GPC6: variants seen among roughly 807,000 people sequenced by gnomAD.
The protein encoded by GPC6 is glypican 6.
In GPC6, 14 loss-of-function variants were observed where a neutral mutation model predicts 55.2. The ratio of observed to expected loss-of-function variants is 0.25; its 90% CI spans 0.17 to 0.40. The LOEUF (loss-of-function observed/expected upper bound fraction) is 0.40. Among genes scored for constraint, GPC6 ranks in the 10% least tolerant of loss-of-function variants. The probability of loss-of-function intolerance (pLI) is 1.00; values close to 1 mark genes in which losing one functional copy is unlikely to be tolerated. For synonymous variants in GPC6, 278 were observed against 259.6 expected (o/e 1.07, Z -0.68); for missense variants, 641 against 708.5 (o/e 0.90, Z 1.08).
intron 1 of GPC6, among the ~76,000 whole-genome samples, chr13:93,510,372 G>A (rs1359818769): frequency 6.6e-6 from 1 of 151,896 alleles, no homozygotes; most frequent in Non-Finnish European, 1.5e-5. Flanking sequence ...CTACCTCCAT[G>A]TGATCAACAT....
At chr13:93,592,248 G>A (rs952028337) in intron 2 of GPC6, among the ~76,000 whole-genome samples, 1 of 151,366 alleles carries the variant, frequency 6.6e-6, no homozygotes, top group Non-Finnish European at 1.5e-5. Flanking sequence ...GCAGTGGCAC[G>A]ATCTTAGCTC....
chr13:94,319,739 T>C (rs748770321), intron 6 of GPC6, among the ~76,000 whole-genome samples: 4 of 152,236 alleles, frequency 2.6e-5, no homozygotes, highest in Non-Finnish European at 2.9e-5. Context: ...ACTGCTGCTG[T>C]TGAGAAGTTT....
chr13:93,221,633 C>T, the GPC6 span, among the ~76,000 whole-genome samples: 3 of 152,174 alleles, frequency 2.0e-5, no homozygotes, highest in Non-Finnish European at 2.9e-5. Flanking sequence ...TGGATATAAA[C>T]CATAAGATGG....
rs78383798 is a variant in GPC6, at chr13:94,193,514, A to T, written c.878-92835A>T. ...TAATAACAGAACTTGAGGCAAAGGG[A>T]TGCTCTTCGAGTGTGCTGTAGCATA... On this transcript the variant is annotated intron_variant, in intron 4 of 8. Coordinates refer to ENST00000377047, the MANE Select transcript of GPC6 (RefSeq NM_005708.5). Among the ~76,000 whole-genome samples, 1,110 of 152,268 alleles carry T rather than the reference A, an allele frequency of 7.3e-3. 12 individuals are homozygous for T. The highest frequency in any genetic ancestry group is 0.023 in the African/African-American group (949 of 41,560).
intron 2 of GPC6, among the ~76,000 whole-genome samples, chr13:93,752,510 T>G (rs1267952409): frequency 1.3e-5 from 2 of 152,132 alleles, no homozygotes; most frequent in Admixed American, 1.3e-4. Flanking sequence ...TGCAATCTAT[T>G]ACCACTGGCA....
intron 4 of GPC6, among the ~76,000 whole-genome samples, chr13:94,197,847 C>A (rs1408958771): frequency 6.6e-6 from 1 of 151,932 alleles, no homozygotes; most frequent in Non-Finnish European, 1.5e-5. Flanking sequence ...AACAATTTTA[C>A]CAAGAAACGT....
intron 1 of GPC6, among the ~76,000 whole-genome samples, chr13:93,314,755 G>GCA (rs1443532446): frequency 6.3e-5 from 8 of 126,422 alleles, no homozygotes; most frequent in Non-Finnish European, 1.7e-5. Context: ...GTGTGTGTGT[G>GCA]TGCACGCATG....
At chr13:94,231,454 C>T (rs184943498) in intron 4 of GPC6, among the ~76,000 whole-genome samples, 37 of 152,268 alleles carry the variant, frequency 2.4e-4, no homozygotes, top group Admixed American at 1.8e-3. Context: ...ATAAGGAAGG[C>T]ATCAGAAATA....
chr13:93,971,782 G>A (rs1368188505), intron 3 of GPC6, among the ~76,000 whole-genome samples: 1 of 152,160 alleles, frequency 6.6e-6, no homozygotes, highest in Non-Finnish European at 1.5e-5. Flanking sequence ...CTAGAAATAA[G>A]AAAGGCCAGA....
intron 1 of GPC6, among the ~76,000 whole-genome samples, chr13:93,542,020 T>C (rs1254521203): frequency 2.0e-5 from 3 of 152,218 alleles, no homozygotes; most frequent in South Asian, 4.1e-4. Flanking sequence ...AGAAGCTCTT[T>C]AGTTTAATTA....
chr13:93,652,832 G>T (rs1880476089), intron 2 of GPC6, among the ~76,000 whole-genome samples: 1 of 152,144 alleles, frequency 6.6e-6, no homozygotes, highest in Non-Finnish European at 1.5e-5. Flanking sequence ...GTTACATTTT[G>T]TCTATGTGTT....
chr13:93,405,889 C>G (rs1394527934), intron 1 of GPC6, among the ~76,000 whole-genome samples: 1 of 152,220 alleles, frequency 6.6e-6, no homozygotes, highest in Non-Finnish European at 1.5e-5. Context: ...CTTCATGCAG[C>G]TGCATTCAGC....
intron 4 of GPC6, among the ~76,000 whole-genome samples, chr13:94,261,737 G>A (rs1260831849): frequency 6.6e-6 from 1 of 152,212 alleles, no homozygotes; most frequent in Non-Finnish European, 1.5e-5. Context: ...ACAGAAGAAT[G>A]TGAAGCACAA....
chr13:94,122,279 C>G (rs1886658506), intron 4 of GPC6, among the ~76,000 whole-genome samples: 1 of 151,976 alleles, frequency 6.6e-6, no homozygotes, highest in Non-Finnish European at 1.5e-5. Flanking sequence ...CTCATTTAAT[C>G]CTCTATGAAG....
intron 5 of GPC6, among the ~76,000 whole-genome samples, chr13:94,288,884 TAATATATATAACA>T (rs1388014953): frequency 1.5e-4 from 2 of 13,764 alleles, no homozygotes; most frequent in African/African-American, 2.1e-4. Context: ...TATATATAAC[TAATATATATAACA>T]AATATATATA....
intron 4 of GPC6, among the ~76,000 whole-genome samples, chr13:94,220,870 A>T (rs1183851110): frequency 6.6e-6 from 1 of 152,074 alleles, no homozygotes; most frequent in Non-Finnish European, 1.5e-5. Context: ...TTATGTCCAC[A>T]TTGACCCTAA....
intron 4 of GPC6, among the ~76,000 whole-genome samples, chr13:94,165,983 C>A (rs1228425386): frequency 6.6e-6 from 1 of 152,040 alleles, no homozygotes; most frequent in African/African-American, 2.4e-5. Flanking sequence ...GAAAATTTTT[C>A]ATGTATTCCC....
At chr13:94,100,926 A>G (rs76399722) in intron 4 of GPC6, among the ~76,000 whole-genome samples, 2,737 of 152,308 alleles carry the variant, frequency 0.018, 79 homozygotes, top group African/African-American at 0.062. Context: ...ACGAAGATAT[A>G]CTGGGGGATA....
At chr13:93,912,605 T>A (rs1183806607) in intron 3 of GPC6, among the ~76,000 whole-genome samples, 1 of 151,958 alleles carries the variant, frequency 6.6e-6, no homozygotes, top group Non-Finnish European at 1.5e-5. Flanking sequence ...TAGCCTGGTG[T>A]GGTGGCGGGC....
Sources: allele counts gnomAD v4.1 joint callset (sites outside exome capture counted in the v4.1 genomes callset), GRCh38; gene constraint gnomAD v4.1.1; transcripts MANE v1.5; gene names NCBI Gene and HGNC (gene_info 2026-07-23, HGNC 2026-07-21).